Variants in SFTPA2 observed in about 807,000 individuals in gnomAD.
SFTPA2 encodes pulmonary surfactant-associated protein A2.
SFTPA2 carries 21 observed loss-of-function variants against 20.3 expected under a neutral mutation model. The ratio of observed to expected loss-of-function variants is 1.03; its 90% CI spans 0.73 to 1.49. The LOEUF (loss-of-function observed/expected upper bound fraction) is 1.49, where lower values mean the gene tolerates loss of function less well. Ranked by LOEUF, SFTPA2 falls within the 40% of genes most tolerant of loss-of-function variation. The pLI, the probability that SFTPA2 is intolerant of heterozygous loss-of-function variation, is 0.00. For synonymous variants in SFTPA2, 116 were observed against 118.7 expected (o/e 0.98, Z 0.15); for missense variants, 302 against 314.8 (o/e 0.96, Z 0.31).
chr10:79,558,734 C>G, intron 4 of SFTPA2, 152 bp downstream of exon 4: 3 of 1,403,704 alleles, frequency 2.1e-6, no homozygotes, highest in Non-Finnish European at 3.0e-6. Context: ...GACACCTCGG[C>G]TTTCTCCCTC....
Position 79,556,950 on chromosome 10 carries a change from CA to C in SFTPA2, c.*258del. 3.3e-6 allele frequency: 2 copies of C among 608,094 alleles called. No homozygotes were observed. Among genetic ancestry groups the C allele is most frequent in the Middle Eastern group, 4.5e-4 (1 of 2,240 alleles). The allele number at this position is 608,094 out of a possible 1,614,324, so 37.7% of individuals were successfully genotyped here. A position where few individuals can be genotyped will look rare whatever the true frequency, so the allele number is the denominator to read the frequency against. On this transcript the variant is annotated 3_prime_UTR_variant, in exon 6 of 6. Coordinates refer to ENST00000372325, the MANE Select transcript of SFTPA2 (RefSeq NM_001098668.4). ...GAATAAGGAGGCCTCCATCTCATGC[CA>C]AAGGCCAAGGCTAGGAGTGGCTGCC... is the stretch of plus-strand genomic sequence containing the variant.
In SFTPA2 at chr10:79,556,955, G is replaced by A. The variant is rs188488650; in HGVS notation, c.*254C>T. On this transcript the variant is annotated 3_prime_UTR_variant, in exon 6 of 6. Coordinates refer to ENST00000372325, the MANE Select transcript of SFTPA2 (RefSeq NM_001098668.4). Reference sequence around the variant, plus strand: ...AGGAGGCCTCCATCTCATGCCAAAGGCCAAGGCTAGGAGTGGCTGCCTGGG... The same window carrying A: ...AGGAGGCCTCCATCTCATGCCAAAGACCAAGGCTAGGAGTGGCTGCCTGGG... The A allele has an allele frequency of 6.4e-6, 4 of 621,846 alleles. No individual in the cohort carries two copies. The Admixed American group carries it at 9.0e-5, about 14-fold the overall frequency. 38.5% of individuals were successfully genotyped at this position (621,846 alleles called of 1,614,324 possible). A position where few individuals can be genotyped will look rare whatever the true frequency, so the allele number is the denominator to read the frequency against.
At chr10:79,558,834 T>G in intron 4 of SFTPA2, 52 bp downstream of exon 4, 1 of 1,609,228 alleles carries the variant, frequency 6.2e-7, no homozygotes, top group Non-Finnish European at 8.5e-7. Context: ...TGTAACTGAC[T>G]TCAGGTCGCT....
chr10:79,557,566 G>A lies in SFTPA2; in HGVS notation c.390C>T (p.Ser130=), dbSNP rs148457497. The A allele has an allele frequency of 2.4e-5, 39 of 1,610,712 alleles. No individual in the cohort carries two copies. In the African/African-American group the frequency reaches 3.3e-4, roughly 14 times the overall value. Reference sequence around the variant, plus strand: ...AGACCTTCTCTCCTACTGTCATTATGGAGCCCTGCAGACTGAGGGCTGAGA... The same window carrying A: ...AGACCTTCTCTCCTACTGTCATTATAGAGCCCTGCAGACTGAGGGCTGAGA... ...QTRGALSLQG[S]IMTVGEKVFS... The change falls in exon 6 of 6, where the codon TCC becomes TCT. Residue 130 remains serine (S), a synonymous_variant. Transcript: ENST00000372325.
rs970509121 is a variant in SFTPA2 at position 79,559,436 on chromosome 10, A to T, written c.48T>A (p.Ser16=). 1 of 1,613,604 alleles carries T rather than the reference A, an allele frequency of 6.2e-7. No homozygotes were observed. The highest frequency in any genetic ancestry group is 8.5e-7 in the Non-Finnish European group (1 of 1,179,760). Residue 16 remains serine, a synonymous_variant, in exon 3 of 6, where the codon TCT becomes TCA. Coordinates refer to ENST00000372325, the MANE Select transcript of SFTPA2 (RefSeq NM_001098668.4). ...CGTCCTTCACTTCGCACGCAGCACC[A>T]GAGGCTGCCATCAAGATGAGGGTGA... ...LALTLILMAA[S]GAACEVKDVC...
Position 79,557,436 on chromosome 10 carries a change from T to A in SFTPA2, c.520A>T (p.Ile174Phe). The A allele has an allele frequency of 6.2e-7, 1 of 1,613,890 alleles. No homozygotes were observed. The highest frequency in any genetic ancestry group is 8.5e-7 in the Non-Finnish European group (1 of 1,179,838). ...VPRNPEENEA[I>F]ASFVKKYNTY... ...TTGTACTTCTTCACGAAGCTTGCAATGGCCTCATTTTCCTCTGGATTCCTT... is the reference window on the plus strand; with the variant it reads ...TTGTACTTCTTCACGAAGCTTGCAAAGGCCTCATTTTCCTCTGGATTCCTT... Residue 174 changes from isoleucine to phenylalanine, a missense_variant, in exon 6 of 6, where the codon ATT (isoleucine) becomes TTT (phenylalanine). Ile to Phe is a conservative substitution (Grantham distance 21). Around this residue, in one of 3 missense-constraint regions of SFTPA2, gnomAD observed 264 missense variants for 261.7 expected, o/e 1.01. Coordinates refer to ENST00000372325, the MANE Select transcript of SFTPA2 (RefSeq NM_001098668.4).
In SFTPA2 at chr10:79,557,336, T is replaced by C. The variant is rs1177584812; in HGVS notation, c.620A>G (p.Asn207Ser). The change falls in exon 6 of 6, where the codon AAC becomes AGC. Residue 207 changes from asparagine to serine, a missense_variant. Transcript: ENST00000372325. ...CTCCCCTCGGTACCAGTTGGTGTAG[T>C]TTACAGGGGTCCCATCTGAGTAGCG... The part of the protein sequence containing the change: ...DFRYSDGTPV[N>S]YTNWYRGEPA... The C allele has an allele frequency of 6.2e-7, 1 of 1,614,012 alleles. No homozygotes were observed. The highest frequency in any genetic ancestry group is 1.3e-5 in the African/African-American group (1 of 74,920).
chr10:79,558,127 G>A lies in SFTPA2; in HGVS notation c.295C>T (p.Leu99Phe). 3 of 1,614,048 alleles carry A rather than the reference G, an allele frequency of 1.9e-6. No homozygotes were observed. The highest frequency in any genetic ancestry group is 2.5e-6 in the Non-Finnish European group (3 of 1,179,992). ...AGCTCCTCATCTAGATGAGCTGGAA[G>A]CCCTGTGGAGAGTGCCCCACACAGA... ...GEAGERGPPG[L>F]PAHLDEELQA... Residue 99 changes from leucine (L) to phenylalanine (F), a missense_variant and splice_region_variant, in exon 5 of 6, where the codon CTT becomes TTT. Transcript: ENST00000372325.
rs572593093 is a variant in SFTPA2, at chr10:79,559,824, G to C, written c.-24+145C>G. On this transcript the variant is annotated intron_variant, in intron 2 of 5. Transcript: ENST00000372325. ...TTTCAGTGCCTCACTATGTTACCCT[G>C]GGAAACTGGCTTCACCTCTCTGATT... The C allele has an allele frequency of 2.2e-5, 31 of 1,386,650 alleles. 1 individual carries two copies. The South Asian group carries it at 4.4e-4, about 20-fold the overall frequency. The allele number at this position is 1,386,650 out of a possible 1,614,324, so 85.9% of individuals were successfully genotyped here.
rs539247249 is a variant in SFTPA2 at position 79,556,278 on chromosome 10, T to G, written c.*931A>C. 1 of 167,864 alleles carries G rather than the reference T, an allele frequency of 6.0e-6. No homozygotes were observed. The highest frequency in any genetic ancestry group is 6.5e-5 in the Admixed American group (1 of 15,288). The allele number at this position is 167,864 out of a possible 1,614,324, so 10.4% of individuals were successfully genotyped here. On this transcript the variant is annotated 3_prime_UTR_variant, in exon 6 of 6. Transcript: ENST00000372325. ...GATGAAGATATAGGCTCAGGGAAAATAAATAAATATCCCCAAGAGTCACCG... is the reference window on the plus strand; with the variant it reads ...GATGAAGATATAGGCTCAGGGAAAAGAAATAAATATCCCCAAGAGTCACCG...
chr10:79,559,907 A>G (rs1975006), intron 2 of SFTPA2, 62 bp downstream of exon 2: 1,320,230 of 1,380,570 alleles, frequency 0.96, 631,409 homozygotes, highest in East Asian at 1. Flanking sequence ...AGGCTGTTAG[A>G]AGGAAGGATG....
rs759988686 is a variant in SFTPA2 at position 79,557,231 on chromosome 10, C to T, written c.725G>A (p.Arg242Gln). The change falls in exon 6 of 6, where the codon CGA (arginine) becomes CAA (glutamine). Residue 242 changes from arginine to glutamine, a missense_variant. Coordinates refer to ENST00000372325, the MANE Select transcript of SFTPA2 (RefSeq NM_001098668.4). ...QWNDRNCLYS[R>Q]LTICEF is the part of the protein sequence containing the mutation. Reference sequence around the variant, plus strand: ...CTCTCAGAACTCACAGATGGTCAGTCGGGAGTACAGGCAGTTCCTGTCATT... The same window carrying T: ...CTCTCAGAACTCACAGATGGTCAGTTGGGAGTACAGGCAGTTCCTGTCATT... The T allele has an allele frequency of 5.0e-6, 8 of 1,614,160 alleles. No homozygotes were observed. The highest frequency in any genetic ancestry group is 4.0e-5 in the African/African-American group (3 of 75,048).
In SFTPA2 at chr10:79,555,882, T is replaced by G. The variant is rs1858746945; in HGVS notation, c.*1327A>C. The G allele has an allele frequency of 6.6e-6, 1 of 152,254 alleles. No homozygotes were observed. Among genetic ancestry groups the G allele is most frequent in the Non-Finnish European group, 1.5e-5 (1 of 68,044 alleles). 9.4% of individuals were successfully genotyped at this position (152,254 alleles called of 1,614,324 possible). A position where few individuals can be genotyped will look rare whatever the true frequency, so the allele number is the denominator to read the frequency against. ...AAACTCATGTGAACACACTAACGAT[T>G]TATTATGCTTAAATCATCTTTATTC... On this transcript the variant is annotated 3_prime_UTR_variant, in exon 6 of 6. Coordinates refer to ENST00000372325, the MANE Select transcript of SFTPA2 (RefSeq NM_001098668.4).
At chr10:79,558,745 A>G (rs923574578) in intron 4 of SFTPA2, 141 bp downstream of exon 4, 2 of 1,464,560 alleles carry the variant, frequency 1.4e-6, no homozygotes, top group Non-Finnish European at 1.9e-6. Context: ...TTTCTCCCTC[A>G]AATTCATATT....
rs752150286 is a variant in SFTPA2 at position 79,557,885 on chromosome 10, T to TTC, written c.370+166_370+167insGA. The stretch of plus-strand genomic sequence containing the variant: ...GAAATGGGGAGTGAATTGTGTCTGC[T>TTC]TGTCTCCTCTTGGCCATTCAAAGAC... On this transcript the variant is annotated intron_variant, in intron 5 of 5. Transcript: ENST00000372325. Among the ~76,000 whole-genome samples the TTC allele has an allele frequency of 9.1e-4, 138 of 152,336 alleles. 1 individual carries two copies. Among genetic ancestry groups the TTC allele is most frequent in the Admixed American group, 3.0e-3 (46 of 15,306 alleles).
rs1188922473 is a variant in SFTPA2, at chr10:79,557,527, C to A, written c.429G>T (p.Gly143=). ...TVGEKVFSSN[G]QSITFDAIQE... is the part of the protein sequence containing the mutation. ...GAATGGCATCAAAAGTGATGGACTG[C>A]CCATTGCTGGAGAAGACCTTCTCTC... The change falls in exon 6 of 6, where the codon GGG becomes GGT. Residue 143 remains glycine (G), a synonymous_variant. Transcript: ENST00000372325. The A allele has an allele frequency of 3.7e-6, 6 of 1,613,220 alleles. No homozygotes were observed. The East Asian group carries it at 8.9e-5, about 24-fold the overall frequency.
chr10:79,558,594 G>A lies in SFTPA2; in HGVS notation c.292+292C>T, dbSNP rs374758783. 5.9e-5 allele frequency among the ~76,000 whole-genome samples: 9 copies of A among 152,078 alleles called. No individual in the cohort carries two copies. The East Asian group carries it at 1.5e-3, about 26-fold the overall frequency. ...GACTGCCCCCAGGGCCTCCATCCCA[G>A]GACATGCCTCCCCTGCCTCCCAGTG... On this transcript the variant is annotated intron_variant, in intron 4 of 5. Coordinates refer to ENST00000372325, the MANE Select transcript of SFTPA2 (RefSeq NM_001098668.4).
intron 4 of SFTPA2, among the ~76,000 whole-genome samples, chr10:79,558,453 C>G (rs1346925593): frequency 1.3e-5 from 2 of 152,134 alleles, no homozygotes; most frequent in East Asian, 3.9e-4. Flanking sequence ...AAGCATGATG[C>G]TCTCTGCACT....
chr10:79,559,072 C>G, intron 3 of SFTPA2, 67 bp from the exon 4 acceptor site: 1 of 1,613,722 alleles, frequency 6.2e-7, no homozygotes. Flanking sequence ...TAGTGAGACT[C>G]GATGCCCATT....
Sources: allele counts gnomAD v4.1 joint callset (sites outside exome capture counted in the v4.1 genomes callset), GRCh38; gene constraint gnomAD v4.1.1; regional missense constraint gnomAD v4.1.1; transcripts MANE v1.5; gene names NCBI Gene and HGNC (gene_info 2026-07-23, HGNC 2026-07-21).